NXPH1: variants seen among roughly 807,000 people sequenced by gnomAD.
NXPH1 encodes the protein neurexophilin 1, also known as neurexophilin-1.
NXPH1 carries 5 observed loss-of-function variants against 23.7 expected under a neutral mutation model. The ratio of observed to expected loss-of-function variants is 0.21; its 90% CI spans 0.11 to 0.44. The LOEUF is 0.44. Ranked by LOEUF, NXPH1 falls within the 20% of genes least tolerant of loss-of-function variation. The probability of loss-of-function intolerance (pLI) is 0.99; values close to 1 mark genes in which losing one functional copy is unlikely to be tolerated. For missense variants in NXPH1, 324 were observed against 321.6 expected (o/e 1.01, Z -0.06); for synonymous variants, 144 against 122.2 (o/e 1.18, Z -1.18).
intron 2 of NXPH1, among the ~76,000 whole-genome samples, chr7:8,468,716 CTGAT>C (rs1033604682): frequency 1.3e-5 from 2 of 151,942 alleles, no homozygotes; most frequent in Non-Finnish European, 2.9e-5. Context: ...TTGCAGGTGA[CTGAT>C]TGAAAATGCT....
intron 2 of NXPH1, among the ~76,000 whole-genome samples, chr7:8,513,257 T>TAGGGATATCACAGAATAGAATGA (rs1026218755): frequency 3.4e-4 from 52 of 152,056 alleles, no homozygotes; most frequent in Admixed American, 6.5e-4. Flanking sequence ...ACAGAATATA[T>TAGGGATATCACAGAATAGAATGA]AGGGATATCA....
chr7:8,628,314 A>G (rs964656625), intron 2 of NXPH1, among the ~76,000 whole-genome samples: 6 of 151,744 alleles, frequency 4.0e-5, no homozygotes, highest in African/African-American at 1.5e-4. Flanking sequence ...CTACACAGTA[A>G]TTGATTCTTT....
At chr7:8,610,506 A>C (rs1346805507) in intron 2 of NXPH1, among the ~76,000 whole-genome samples, 1 of 152,188 alleles carries the variant, frequency 6.6e-6, no homozygotes, top group Non-Finnish European at 1.5e-5. Context: ...TTATTACAGA[A>C]AAATTGATCA....
intron 2 of NXPH1, among the ~76,000 whole-genome samples, chr7:8,496,746 A>G (rs111575816): frequency 2.0e-5 from 3 of 152,106 alleles, no homozygotes; most frequent in Non-Finnish European, 4.4e-5. Context: ...AACTTGTCCT[A>G]AAACAATGTC....
At chr7:8,655,697 A>T (rs1436796345) in intron 2 of NXPH1, among the ~76,000 whole-genome samples, 1 of 152,174 alleles carries the variant, frequency 6.6e-6, no homozygotes, top group Non-Finnish European at 1.5e-5. Context: ...ATCTATGCAG[A>T]GAAGAGAATA....
intron 2 of NXPH1, among the ~76,000 whole-genome samples, chr7:8,681,758 A>G (rs1583228294): frequency 6.6e-6 from 1 of 152,312 alleles, no homozygotes; most frequent in East Asian, 1.9e-4. Context: ...TTTCTTGACA[A>G]ACATCAGGCC....
chr7:8,608,027 GA>G (rs1256243088), intron 2 of NXPH1, among the ~76,000 whole-genome samples: 2 of 152,218 alleles, frequency 1.3e-5, no homozygotes, highest in East Asian at 3.8e-4. Context: ...AAACTGGGAG[GA>G]GGTAAGGAAG....
At chr7:8,565,041 A>G (rs1234732987) in intron 2 of NXPH1, among the ~76,000 whole-genome samples, 1 of 151,668 alleles carries the variant, frequency 6.6e-6, no homozygotes, top group Non-Finnish European at 1.5e-5. Flanking sequence ...TAAAATAGGG[A>G]GCTTTTGTTG....
chr7:8,536,400 A>T (rs1818026587), intron 2 of NXPH1, among the ~76,000 whole-genome samples: 1 of 152,030 alleles, frequency 6.6e-6, no homozygotes, highest in Non-Finnish European at 1.5e-5. Context: ...GTAGCTAGCA[A>T]TGTCCTGTTG....
intron 2 of NXPH1, among the ~76,000 whole-genome samples, chr7:8,496,092 C>T (rs1290936777): frequency 1.3e-5 from 2 of 151,998 alleles, no homozygotes; most frequent in African/African-American, 4.8e-5. Context: ...TGAGTGGCAG[C>T]ATTAGGATTC....
chr7:8,521,877 G>A (rs1219086440), intron 2 of NXPH1, among the ~76,000 whole-genome samples: 1 of 152,112 alleles, frequency 6.6e-6, no homozygotes, highest in Non-Finnish European at 1.5e-5. Context: ...GAAGGATATG[G>A]AGATTTGGAT....
intron 2 of NXPH1, among the ~76,000 whole-genome samples, chr7:8,499,344 G>A (rs774825186): frequency 6.6e-6 from 1 of 152,020 alleles, no homozygotes; most frequent in Admixed American, 6.6e-5. Context: ...AGGGTTCATA[G>A]CAAACAGCCA....
At chr7:8,721,581 C>A (rs1045226355) in intron 2 of NXPH1, among the ~76,000 whole-genome samples, 2 of 152,058 alleles carry the variant, frequency 1.3e-5, no homozygotes, top group African/African-American at 4.8e-5. Flanking sequence ...CGAGACCATC[C>A]TGGCTAACAC....
At chr7:8,444,015 C>T (rs1310487860) in intron 2 of NXPH1, among the ~76,000 whole-genome samples, 1 of 152,170 alleles carries the variant, frequency 6.6e-6, no homozygotes, top group Non-Finnish European at 1.5e-5. Context: ...GCGCCCAGTT[C>T]CTCCACCGCA....
intron 2 of NXPH1, among the ~76,000 whole-genome samples, chr7:8,657,898 C>T (rs561896788): frequency 3.9e-5 from 6 of 152,182 alleles, no homozygotes; most frequent in East Asian, 3.9e-4. Flanking sequence ...TGTGTTAGCA[C>T]GCACCTGTAA....
intron 2 of NXPH1, among the ~76,000 whole-genome samples, chr7:8,481,717 G>T (rs949633524): frequency 6.6e-6 from 1 of 152,112 alleles, no homozygotes; most frequent in Non-Finnish European, 1.5e-5. Context: ...TGCATATGCA[G>T]GTTTGTTACC....
At chr7:8,495,286 C>T (rs1312696186) in intron 2 of NXPH1, among the ~76,000 whole-genome samples, 1 of 131,164 alleles carries the variant, frequency 7.6e-6, no homozygotes, top group African/African-American at 3.0e-5. Context: ...CTCTTAAGGC[C>T]TTCAACTGAT....
chr7:8,469,561 C>T (rs1255800253), intron 2 of NXPH1, among the ~76,000 whole-genome samples: 1 of 152,036 alleles, frequency 6.6e-6, no homozygotes, highest in Non-Finnish European at 1.5e-5. Flanking sequence ...AGTCTTTTAT[C>T]TCTCTCTTTC....
chr7:8,577,027 A>C (rs1456551449), intron 2 of NXPH1, among the ~76,000 whole-genome samples: 1 of 152,180 alleles, frequency 6.6e-6, no homozygotes, highest in East Asian at 1.9e-4. Flanking sequence ...TAATGTTATT[A>C]TTATAACTTT....
Sources: allele counts gnomAD v4.1 joint callset (sites outside exome capture counted in the v4.1 genomes callset), GRCh38; gene constraint gnomAD v4.1.1; transcripts MANE v1.5; gene names NCBI Gene and HGNC (gene_info 2026-07-23, HGNC 2026-07-21).